Variants in BTBD9 observed in about 807,000 individuals in gnomAD.
BTBD9 encodes the protein BTB domain containing 9, also known as BTB/POZ domain-containing protein 9.
BTBD9 carries 49 observed loss-of-function variants against 64.3 expected under a neutral mutation model. The ratio of observed to expected loss-of-function variants is 0.76; its 90% CI spans 0.61 to 0.97. The LOEUF is 0.97. Ranked by LOEUF, BTBD9 falls within the 50% of genes least tolerant of loss-of-function variation. The probability of loss-of-function intolerance (pLI) is 0.00; values close to 1 mark genes in which losing one functional copy is unlikely to be tolerated. For synonymous variants in BTBD9, 260 were observed against 274.7 expected (o/e 0.95, Z 0.53); for missense variants, 598 against 762.1 (o/e 0.78, Z 2.53).
chr6:38,262,347 T>C (rs4714137), intron 8 of BTBD9, among the ~76,000 whole-genome samples: 3,407 of 152,326 alleles, frequency 0.022, 136 homozygotes, highest in East Asian at 0.093. Flanking sequence ...TGTTTAGCTG[T>C]TGCCACAAAC....
At chr6:38,324,896 A>G (rs1194524369) in intron 7 of BTBD9, among the ~76,000 whole-genome samples, 1 of 152,164 alleles carries the variant, frequency 6.6e-6, no homozygotes, top group Non-Finnish European at 1.5e-5. Context: ...GCTGAAGACA[A>G]CCTAGGTTTC....
intron 6 of BTBD9, among the ~76,000 whole-genome samples, chr6:38,469,754 T>C (rs1770558745): frequency 6.6e-6 from 1 of 152,000 alleles, no homozygotes. Flanking sequence ...ATTGCACAAA[T>C]ATCACTTAAT....
intron 6 of BTBD9, among the ~76,000 whole-genome samples, chr6:38,522,920 T>C (rs1773331701): frequency 6.6e-6 from 1 of 152,162 alleles, no homozygotes; most frequent in Non-Finnish European, 1.5e-5. Flanking sequence ...CAGTGGTTCA[T>C]GCCTGTAATC....
chr6:38,306,179 A>G (rs1379770940), intron 7 of BTBD9, among the ~76,000 whole-genome samples: 1 of 152,192 alleles, frequency 6.6e-6, no homozygotes, highest in Admixed American at 6.5e-5. Context: ...TGATAAATTT[A>G]TTAAAAACAC....
chr6:38,479,986 C>T (rs1383323818), intron 6 of BTBD9, among the ~76,000 whole-genome samples: 1 of 152,162 alleles, frequency 6.6e-6, no homozygotes. Flanking sequence ...GCCTCGGCCT[C>T]CCAAGGTGTG....
At chr6:38,502,799 C>T (rs1395992897) in intron 6 of BTBD9, among the ~76,000 whole-genome samples, 2 of 152,062 alleles carry the variant, frequency 1.3e-5, no homozygotes, top group African/African-American at 4.8e-5. Context: ...CATACTTGTG[C>T]AATTTGATTC....
intron 9 of BTBD9, among the ~76,000 whole-genome samples, chr6:38,226,904 T>C (rs543292723): frequency 1.2e-4 from 19 of 152,306 alleles, no homozygotes; most frequent in Non-Finnish European, 2.2e-4. Context: ...CTGCGGCCTA[T>C]CAAAGGCAAG....
chr6:38,245,521 AGGGAGTATGGAGAGGCAGG>A (rs898119523), intron 9 of BTBD9, among the ~76,000 whole-genome samples: 1 of 152,152 alleles, frequency 6.6e-6, no homozygotes, highest in Non-Finnish European at 1.5e-5. Context: ...AGGGATGCAG[AGGGAGTATGGAGAGGCAGG>A]GGGCCAGATT....
intron 6 of BTBD9, among the ~76,000 whole-genome samples, chr6:38,449,661 T>C: frequency 6.6e-6 from 1 of 152,060 alleles, no homozygotes; most frequent in East Asian, 1.9e-4. Context: ...TCACAACACT[T>C]TGGGAGGCCA....
chr6:38,290,163 A>G (rs1012471596), intron 7 of BTBD9, among the ~76,000 whole-genome samples: 3 of 150,408 alleles, frequency 2.0e-5, no homozygotes, highest in Admixed American at 6.7e-5. Context: ...AGAAGAAAGG[A>G]AGGGAGAGGA....
intron 5 of BTBD9, among the ~76,000 whole-genome samples, chr6:38,578,868 T>C (rs912845517): frequency 6.6e-6 from 1 of 152,218 alleles, no homozygotes; most frequent in Non-Finnish European, 1.5e-5. Flanking sequence ...ACAGAAACGA[T>C]GACAACCACT....
intron 6 of BTBD9, among the ~76,000 whole-genome samples, chr6:38,361,933 A>G (rs1334781763): frequency 6.6e-6 from 1 of 151,928 alleles, no homozygotes; most frequent in Non-Finnish European, 1.5e-5. Context: ...CTTTGAGGTT[A>G]AAGGTCCTTT....
At chr6:38,509,809 G>A (rs1393759605) in intron 6 of BTBD9, among the ~76,000 whole-genome samples, 1 of 152,148 alleles carries the variant, frequency 6.6e-6, no homozygotes, top group Non-Finnish European at 1.5e-5. Flanking sequence ...CTTGATAAAT[G>A]ATAAATAAAC....
At chr6:38,259,193 T>TC (rs1452284141) in intron 8 of BTBD9, among the ~76,000 whole-genome samples, 2 of 152,204 alleles carry the variant, frequency 1.3e-5, no homozygotes, top group Non-Finnish European at 2.9e-5. Flanking sequence ...GCCAAATGTT[T>TC]CCATTACTCT....
intron 9 of BTBD9, among the ~76,000 whole-genome samples, chr6:38,229,849 G>A (rs951156311): frequency 5.9e-5 from 9 of 152,112 alleles, no homozygotes; most frequent in African/African-American, 2.2e-4. Flanking sequence ...TTTCATGTCT[G>A]TCATTTATCA....
chr6:38,369,150 T>C (rs1266184087), intron 6 of BTBD9, among the ~76,000 whole-genome samples: 5 of 152,184 alleles, frequency 3.3e-5, no homozygotes, highest in Admixed American at 2.0e-4. Context: ...TGCCTCTTTT[T>C]CAGCACTCTG....
chr6:38,411,142 C>A (rs938623205), intron 6 of BTBD9, among the ~76,000 whole-genome samples: 2 of 152,090 alleles, frequency 1.3e-5, no homozygotes, highest in Admixed American at 6.5e-5. Flanking sequence ...TCAGAGGATG[C>A]CACTACTCTC....
chr6:38,261,497 T>C (rs1764791279), intron 8 of BTBD9, among the ~76,000 whole-genome samples: 1 of 152,224 alleles, frequency 6.6e-6, no homozygotes, highest in Non-Finnish European at 1.5e-5. Context: ...GCTAATTTGA[T>C]AGCTGAAATA....
chr6:38,616,465 T>A (rs974551741), intron 1 of BTBD9, among the ~76,000 whole-genome samples: 1 of 152,130 alleles, frequency 6.6e-6, no homozygotes, highest in Admixed American at 6.6e-5. Flanking sequence ...CACTTTTTTT[T>A]AATGTATTAG....
Sources: gnomAD v4.1 joint callset for allele counts (sites outside exome capture counted in the v4.1 genomes callset) on GRCh38, gnomAD v4.1.1 for gene constraint, MANE v1.5 for transcripts, NCBI Gene and HGNC (gene_info 2026-07-23, HGNC 2026-07-21) for gene names.